AFF2: variants seen among roughly 807,000 people sequenced by gnomAD.
AFF2 encodes the protein AF4/FMR2 family member 2.
Under a neutral mutation model 76.9 loss-of-function variants are expected in AFF2, and 14 were observed. The observed-to-expected ratio is 0.18, with a 90% CI of 0.12 to 0.28. AFF2 has a LOEUF of 0.28. Among genes scored for constraint, AFF2 ranks in the 10% least tolerant of loss-of-function variants. The probability of loss-of-function intolerance (pLI) is 1.00; values close to 1 mark genes in which losing one functional copy is unlikely to be tolerated. For missense variants in AFF2, 868 were observed against 1,001.1 expected (o/e 0.87, Z 1.79); for synonymous variants, 398 against 366.7 (o/e 1.09, Z -0.98).
At chrX:148,700,158 A>C (rs1409520857) in intron 3 of AFF2, among the ~76,000 whole-genome samples, 1 of 111,397 alleles carries the variant, frequency 9.0e-6, no homozygotes, top group Non-Finnish European at 1.9e-5. Context: ...AGAGACAGCC[A>C]AACTTGATAA....
intron 16 of AFF2, among the ~76,000 whole-genome samples, chrX:148,974,869 T>G (rs1312184508): frequency 2.7e-5 from 3 of 111,937 alleles, no homozygotes; most frequent in Non-Finnish European, 5.6e-5. Context: ...GATTGCCCAG[T>G]GTCTAGTCAA....
rs1019409571 is a variant in AFF2 at position 148,985,450 on chromosome X, C to T, written c.3624-1917C>T. 7.4e-5 allele frequency among the ~76,000 whole-genome samples: 8 copies of T among 108,735 alleles called. 1 individual carries two copies. Among genetic ancestry groups the T allele is most frequent in the Middle Eastern group, 4.7e-3 (1 of 214 alleles). 94.4% of individuals were successfully genotyped at this position (108,735 alleles called of 115,157 possible). On this transcript the variant is annotated intron_variant, in intron 19 of 20. Coordinates refer to ENST00000370460, the MANE Select transcript of AFF2 (RefSeq NM_002025.4). ...CCGAGTAGCTGCAACTACAGGCACA[C>T]GTCACATGCCTTTCTAACTTCTTTC...
chrX:148,838,933 G>T (rs2070562568), intron 5 of AFF2, among the ~76,000 whole-genome samples: 1 of 111,953 alleles, frequency 8.9e-6, no homozygotes, highest in Non-Finnish European at 1.9e-5. Context: ...CACTGTCCCA[G>T]TATGGGTGTG....
At chrX:148,712,606 A>C (rs896677483) in intron 3 of AFF2, among the ~76,000 whole-genome samples, 2 of 112,266 alleles carry the variant, frequency 1.8e-5, no homozygotes, top group African/African-American at 6.5e-5. Flanking sequence ...TATTATGTGT[A>C]GTTTTTAATG....
intron 9 of AFF2, among the ~76,000 whole-genome samples, chrX:148,906,304 C>T (rs782390276): frequency 8.9e-6 from 1 of 112,128 alleles, no homozygotes; most frequent in Non-Finnish European, 1.9e-5. Flanking sequence ...CACAACCCTA[C>T]TATGCCCCCA....
chrX:148,817,116 A>C (rs1557272211), intron 4 of AFF2, among the ~76,000 whole-genome samples: 2 of 111,360 alleles, frequency 1.8e-5, no homozygotes, highest in Non-Finnish European at 3.8e-5. Flanking sequence ...CTATTTAAAA[A>C]ATAGATAAAT....
chrX:148,885,590 C>T (rs1470529631), intron 7 of AFF2, among the ~76,000 whole-genome samples: 1 of 111,658 alleles, frequency 9.0e-6, no homozygotes, highest in Non-Finnish European at 1.9e-5. Context: ...TTGATCAGTA[C>T]ATTTATTGCA....
intron 18 of AFF2, 37 bp from the exon 19 acceptor site, chrX:148,980,701 T>C (rs1210397912): frequency 9.1e-7 from 1 of 1,098,695 alleles, no homozygotes; most frequent in Non-Finnish European, 1.2e-6. Context: ...ACAAAATAGA[T>C]GTCCTTATTT....
intron 16 of AFF2, among the ~76,000 whole-genome samples, chrX:148,975,931 G>A (rs1417077621): frequency 1.6e-3 from 30 of 18,261 alleles, no homozygotes; most frequent in East Asian, 0.023. Flanking sequence ...GCGACAGAGC[G>A]AGACTCCGTC....
At chrX:148,701,007 A>AAT (rs2054785258) in intron 3 of AFF2, among the ~76,000 whole-genome samples, 11 of 83,139 alleles carry the variant, frequency 1.3e-4, no homozygotes, top group East Asian at 7.7e-4. Flanking sequence ...AGAGAGAGAG[A>AAT]GAGAATGTGT....
intron 7 of AFF2, among the ~76,000 whole-genome samples, chrX:148,862,757 A>G (rs986063324): frequency 1.1e-4 from 12 of 112,389 alleles, no homozygotes; most frequent in Non-Finnish European, 2.3e-4. Context: ...ACTTCATTTA[A>G]TTATCATTTT....
intron 3 of AFF2, among the ~76,000 whole-genome samples, chrX:148,724,771 C>G (rs1280889901): frequency 8.9e-6 from 1 of 112,334 alleles, no homozygotes; most frequent in Non-Finnish European, 1.9e-5. Flanking sequence ...GTAAGGTGTT[C>G]AATTTATGTT....
intron 3 of AFF2, among the ~76,000 whole-genome samples, chrX:148,770,643 C>A (rs1557268043): frequency 9.0e-6 from 1 of 111,667 alleles, no homozygotes; most frequent in African/African-American, 3.3e-5. Context: ...TCTGGAAGGG[C>A]CTCACACAAG....
At chrX:148,634,588 G>C (rs1270444468) in intron 1 of AFF2, among the ~76,000 whole-genome samples, 1 of 111,699 alleles carries the variant, frequency 9.0e-6, no homozygotes, top group African/African-American at 3.3e-5. Context: ...TATGTAAGTG[G>C]GACCTGTTCC....
intron 3 of AFF2, among the ~76,000 whole-genome samples, chrX:148,733,451 G>A (rs2055250765): frequency 1.8e-5 from 2 of 110,377 alleles, no homozygotes; most frequent in African/African-American, 3.3e-5. Context: ...ATAAATATTG[G>A]AATGAACCCT....
At chrX:148,852,248 G>A (rs2070739275) in intron 7 of AFF2, among the ~76,000 whole-genome samples, 1 of 110,758 alleles carries the variant, frequency 9.0e-6, no homozygotes, top group Non-Finnish European at 1.9e-5. Flanking sequence ...AACCAGTAAT[G>A]AGATTGCTAG....
chrX:148,564,251 T>C (rs1319343221), intron 1 of AFF2, among the ~76,000 whole-genome samples: 1 of 111,049 alleles, frequency 9.0e-6, no homozygotes, highest in African/African-American at 3.3e-5. Context: ...AAGTTTTAAA[T>C]ATATATGTTG....
At chrX:148,799,184 G>T (rs1211387981) in intron 3 of AFF2, among the ~76,000 whole-genome samples, 1 of 112,010 alleles carries the variant, frequency 8.9e-6, no homozygotes, top group Non-Finnish European at 1.9e-5. Flanking sequence ...TGATTTCCTG[G>T]ACACACATGC....
chrX:148,667,474 A>G (rs2054371547), intron 3 of AFF2, among the ~76,000 whole-genome samples: 1 of 112,031 alleles, frequency 8.9e-6, no homozygotes, highest in South Asian at 3.7e-4. Context: ...CACTTGATGT[A>G]TTAGTCTGTT....
Sources: allele counts gnomAD v4.1 joint callset (sites outside exome capture counted in the v4.1 genomes callset), GRCh38; gene constraint gnomAD v4.1.1; transcripts MANE v1.5; gene names NCBI Gene and HGNC (gene_info 2026-07-23, HGNC 2026-07-21).